THSD4: variants seen among roughly 807,000 people sequenced by gnomAD.
THSD4 encodes thrombospondin type-1 domain-containing protein 4.
THSD4 carries 69 observed loss-of-function variants against 119.0 expected under a neutral mutation model. The observed-to-expected ratio is 0.58, with a 90% confidence interval of 0.48 to 0.71. The LOEUF (loss-of-function observed/expected upper bound fraction) is 0.71. THSD4 is among the 30% of genes least tolerant of loss of function. The probability of loss-of-function intolerance (pLI) is 0.00; values close to 1 mark genes in which losing one functional copy is unlikely to be tolerated. For missense variants in THSD4, 1,393 were observed against 1,391.1 expected, an observed-to-expected ratio of 1.00 and a Z score of -0.02; for synonymous variants, 524 against 540.4, an observed-to-expected ratio of 0.97 and a Z score of 0.42.
intron 7 of THSD4, among the ~76,000 whole-genome samples, chr15:71,579,936 C>T (rs888391018): frequency 6.6e-6 from 1 of 151,698 alleles, no homozygotes; most frequent in Admixed American, 6.6e-5. Flanking sequence ...TGCTCAGCAT[C>T]GAATGACGAA....
chr15:71,465,235 C>A (rs910927995), intron 7 of THSD4, among the ~76,000 whole-genome samples: 2 of 152,188 alleles, frequency 1.3e-5, no homozygotes, highest in East Asian at 1.9e-4. Context: ...GAAACAAGGT[C>A]TCCCACAGGA....
intron 7 of THSD4, among the ~76,000 whole-genome samples, chr15:71,586,266 G>A (rs1479400000): frequency 1.3e-5 from 2 of 152,054 alleles, no homozygotes; most frequent in Non-Finnish European, 2.9e-5. Flanking sequence ...CTACTATCTT[G>A]CTGATGTCAC....
intron 4 of THSD4, among the ~76,000 whole-genome samples, chr15:71,224,919 C>T (rs559927198): frequency 2.6e-5 from 4 of 152,258 alleles, no homozygotes; most frequent in African/African-American, 9.6e-5. Flanking sequence ...CACAAAGTCC[C>T]ATTGCCATAT....
At chr15:71,203,826 C>G (rs933522026) in intron 3 of THSD4, among the ~76,000 whole-genome samples, 3 of 152,196 alleles carry the variant, frequency 2.0e-5, no homozygotes, top group African/African-American at 7.2e-5. Context: ...GATGCTGATG[C>G]TTTCCATGAA....
chr15:71,287,698 C>G (rs927332654), intron 6 of THSD4, among the ~76,000 whole-genome samples: 1 of 152,060 alleles, frequency 6.6e-6, no homozygotes, highest in South Asian at 2.1e-4. Flanking sequence ...AGGATGAACC[C>G]CCTGCCACCC....
In THSD4 at chr15:71,413,904, C is replaced by T. The variant is rs376984862; in HGVS notation, c.1152+2081C>T. On this transcript the variant is annotated intron_variant, in intron 7 of 17. Coordinates refer to ENST00000261862, the MANE Select transcript of THSD4 (RefSeq NM_024817.3). ...TTTGTGATCTCCAGCTTTAATGTTC[C>T]CTGCTTCTAAATGTTACTGAACTAA... is the stretch of plus-strand genomic sequence containing the variant. 9.2e-5 allele frequency among the ~76,000 whole-genome samples: 14 copies of T among 152,320 alleles called. No homozygotes were observed. In the East Asian group the frequency reaches 2.7e-3, roughly 29 times the overall value.
At chr15:71,164,541 C>A (rs958619068) in intron 3 of THSD4, among the ~76,000 whole-genome samples, 1 of 151,968 alleles carries the variant, frequency 6.6e-6, no homozygotes, top group African/African-American at 2.4e-5. Flanking sequence ...AATTTACAAC[C>A]CCCATACTGT....
chr15:71,444,316 AT>A (rs1218945272), intron 7 of THSD4, among the ~76,000 whole-genome samples: 1 of 152,222 alleles, frequency 6.6e-6, no homozygotes, highest in Admixed American at 6.5e-5. Flanking sequence ...CAAATCACAA[AT>A]TCTGAAGAAC....
intron 7 of THSD4, among the ~76,000 whole-genome samples, chr15:71,422,434 A>G (rs921369649): frequency 3.3e-5 from 5 of 152,348 alleles, no homozygotes; most frequent in South Asian, 4.1e-4. Context: ...TGGCTCTTGC[A>G]GACTCATAGA....
rs563839120 is a variant in THSD4, at chr15:71,464,020, A to G, written c.1152+52197A>G. 1.2e-4 allele frequency among the ~76,000 whole-genome samples: 19 copies of G among 152,294 alleles called. No homozygotes were observed. In the East Asian group the frequency reaches 3.5e-3, roughly 28 times the overall value. The stretch of plus-strand genomic sequence containing the variant: ...GAATCTATAACAGGCTCTTCTGGTT[A>G]GTTCTGCTTTATCTTGGGAAGTCCT... On this transcript the variant is annotated intron_variant, in intron 7 of 17. Transcript: ENST00000261862.
At chr15:71,372,192 C>G (rs1203667713) in intron 6 of THSD4, among the ~76,000 whole-genome samples, 1 of 152,132 alleles carries the variant, frequency 6.6e-6, no homozygotes, top group African/African-American at 2.4e-5. Flanking sequence ...AATCTTTTTT[C>G]AAGGTTTTTA....
chr15:71,634,808 A>T (rs2050708084), intron 7 of THSD4, among the ~76,000 whole-genome samples: 1 of 152,228 alleles, frequency 6.6e-6, no homozygotes, highest in Non-Finnish European at 1.5e-5. Flanking sequence ...ACCTATGTGG[A>T]GTCACTCATT....
At chr15:71,731,266 A>G (rs1335521207) in intron 10 of THSD4, 49 bp downstream of exon 10, 1 of 1,554,512 alleles carries the variant, frequency 6.4e-7, no homozygotes, top group East Asian at 2.2e-5. Flanking sequence ...TTCCTTGTAA[A>G]GCCTTCTCTC....
At chr15:71,564,780 T>G (rs868247843) in intron 7 of THSD4, among the ~76,000 whole-genome samples, 6 of 8,270 alleles carry the variant, frequency 7.3e-4, no homozygotes, top group African/African-American at 3.1e-3. Flanking sequence ...ATATTGTATA[T>G]TATAACATAT....
intron 16 of THSD4, among the ~76,000 whole-genome samples, chr15:71,765,487 A>C (rs1211478972): frequency 6.6e-6 from 1 of 152,234 alleles, no homozygotes; most frequent in African/African-American, 2.4e-5. Context: ...CTCTGGGCCA[A>C]CTGTGGCCGA....
intron 7 of THSD4, among the ~76,000 whole-genome samples, chr15:71,469,295 A>G (rs1426255837): frequency 6.6e-6 from 1 of 152,170 alleles, no homozygotes; most frequent in East Asian, 1.9e-4. Context: ...CTTTGTCCTC[A>G]GTGGGCATCC....
chr15:71,550,250 C>G (rs902308799), intron 7 of THSD4, among the ~76,000 whole-genome samples: 1 of 152,004 alleles, frequency 6.6e-6, no homozygotes, highest in African/African-American at 2.4e-5. Context: ...AGCAGAATGG[C>G]GGGGAAGGGG....
At chr15:71,473,354 G>T (rs983683541) in intron 7 of THSD4, among the ~76,000 whole-genome samples, 3 of 152,142 alleles carry the variant, frequency 2.0e-5, no homozygotes, top group Non-Finnish European at 4.4e-5. Flanking sequence ...CACCGTGCCT[G>T]GCCCAGCTTT....
At chr15:71,274,119 C>G (rs571788658) in intron 6 of THSD4, among the ~76,000 whole-genome samples, 15 of 152,110 alleles carry the variant, frequency 9.9e-5, no homozygotes, top group Non-Finnish European at 2.1e-4. Flanking sequence ...CTCGCCAAGA[C>G]TACACACAGA....
Sources: gnomAD v4.1 joint callset for allele counts (sites outside exome capture counted in the v4.1 genomes callset) on GRCh38, gnomAD v4.1.1 for gene constraint, MANE v1.5 for transcripts, NCBI Gene and HGNC (gene_info 2026-07-23, HGNC 2026-07-21) for gene names.